The following EYS variants were observed in gnomAD, a reference collection of about 807,000 sequenced individuals.
EYS encodes the protein EGF-like photoreceptor maintenance factor, also known as protein eyes shut homolog.
EYS carries 250 observed loss-of-function variants against 282.1 expected under a neutral mutation model. That is an observed-to-expected ratio of 0.89 (90% CI 0.80 to 0.98). The LOEUF is 0.98. EYS is among the 50% of genes least tolerant of loss of function. The pLI, the probability that EYS is intolerant of heterozygous loss-of-function variation, is 0.00. For synonymous variants in EYS, 1,355 were observed against 1,282.9 expected (o/e 1.06, Z -1.20); for missense variants, 4,016 against 3,709.0 (o/e 1.08, Z -2.15).
intron 26 of EYS, among the ~76,000 whole-genome samples, chr6:64,514,464 G>A (rs1307836418): frequency 6.6e-6 from 1 of 151,816 alleles, no homozygotes; most frequent in Non-Finnish European, 1.5e-5. Flanking sequence ...ATGGCCTTGT[G>A]ACCTAAGCAT....
intron 22 of EYS, among the ~76,000 whole-genome samples, chr6:64,700,873 A>T (rs1770762494): frequency 6.6e-6 from 1 of 152,066 alleles, no homozygotes; most frequent in African/African-American, 2.4e-5. Context: ...AAACAATTCT[A>T]AAATTCATAT....
intron 12 of EYS, among the ~76,000 whole-genome samples, chr6:65,190,837 T>C (rs1191322907): frequency 1.3e-5 from 2 of 151,840 alleles, no homozygotes; most frequent in Non-Finnish European, 2.9e-5. Context: ...AAATGACTAC[T>C]AATCAGGGCA....
chr6:64,553,359 CT>C (rs1237530458), intron 26 of EYS, among the ~76,000 whole-genome samples: 1 of 151,962 alleles, frequency 6.6e-6, no homozygotes, highest in African/African-American at 2.4e-5. Flanking sequence ...GATTATATCC[CT>C]TCTTTAAAGC....
In EYS at chr6:64,307,026, GTTAT is replaced by G. The variant is rs2150375968; in HGVS notation, c.6131_6134del (p.Asn2044ThrfsTer11). On this transcript the variant is annotated frameshift_variant, in exon 30 of 43. Coordinates refer to ENST00000503581, the MANE Select transcript of EYS (RefSeq NM_001142800.2). LOFTEE classifies it high-confidence loss of function. Reference sequence around the variant, plus strand: ...CCTTGGATGGAATGAAAGATCTCCAGTTATTTATTTCTATAACTTCTATGCAGCC... The same window carrying G: ...CCTTGGATGGAATGAAAGATCTCCAGTTATTTCTATAACTTCTATGCAGCC... The G allele has an allele frequency of 6.5e-7, 1 of 1,546,080 alleles. No homozygotes were observed. Among genetic ancestry groups the G allele is most frequent in the Admixed American group, 2.0e-5 (1 of 50,876 alleles).
intron 5 of EYS, among the ~76,000 whole-genome samples, chr6:65,433,290 A>T (rs1025468861): frequency 6.6e-6 from 1 of 152,182 alleles, no homozygotes; most frequent in African/African-American, 2.4e-5. Flanking sequence ...GATCAATTTT[A>T]TGACAATCAC....
intron 16 of EYS, among the ~76,000 whole-genome samples, chr6:64,903,092 G>GA (rs968390131): frequency 1.3e-5 from 2 of 151,762 alleles, no homozygotes; most frequent in Non-Finnish European, 1.5e-5. Context: ...ATTTGTGTCA[G>GA]AAAAAACCTG....
intron 2 of EYS, among the ~76,000 whole-genome samples, chr6:65,622,531 T>A (rs1478215611): frequency 6.6e-6 from 1 of 152,032 alleles, no homozygotes. Context: ...ATATTTTTTC[T>A]TATTTAAGAT....
At position 65,563,523 on chromosome 6, in the gene EYS, G is replaced by A. The variant is rs957942905; in HGVS notation, c.-332-67530C>T. Reference sequence around the variant, plus strand: ...ATTTTATAAAGCATAGTATCTCTTCGGAAATATATAACAAAATTAAGACTA... The same window carrying A: ...ATTTTATAAAGCATAGTATCTCTTCAGAAATATATAACAAAATTAAGACTA... On this transcript the variant is annotated intron_variant, in intron 2 of 42. Transcript: ENST00000503581. Among the ~76,000 whole-genome samples the A allele has an allele frequency of 1.7e-4, 25 of 151,490 alleles. 1 individual carries two copies. Among genetic ancestry groups the A allele is most frequent in the Middle Eastern group, 6.9e-3 (2 of 288 alleles).
Position 64,837,518 on chromosome 6 carries a change from T to A in EYS, c.2993-14696A>T, listed in dbSNP as rs565771567. 1.5e-3 allele frequency among the ~76,000 whole-genome samples: 226 copies of A among 150,082 alleles called. 1 individual carries two copies. Among genetic ancestry groups the A allele is most frequent in the Non-Finnish European group, 1.0e-4 (7 of 67,250 alleles). ...GAGAAAGAAATAAAAAACATCAAAA[T>A]GAAAAAAGAGTAAGTCAAATTGTCC... On this transcript the variant is annotated intron_variant, in intron 19 of 42. Coordinates refer to ENST00000503581, the MANE Select transcript of EYS (RefSeq NM_001142800.2).
intron 26 of EYS, among the ~76,000 whole-genome samples, chr6:64,574,806 G>T (rs535759870): frequency 6.6e-6 from 1 of 152,090 alleles, no homozygotes; most frequent in South Asian, 2.1e-4. Context: ...AGCCCCTGTT[G>T]GTTTTAAAAA....
intron 2 of EYS, among the ~76,000 whole-genome samples, chr6:65,627,531 A>G (rs1766751845): frequency 1.3e-5 from 2 of 152,020 alleles, no homozygotes; most frequent in Non-Finnish European, 2.9e-5. Context: ...GTGGAGGGAG[A>G]GGTGCGAGCA....
chr6:64,808,613 T>C (rs1353361994), intron 22 of EYS, among the ~76,000 whole-genome samples: 6 of 151,896 alleles, frequency 4.0e-5, no homozygotes, highest in African/African-American at 1.5e-4. Context: ...ATATCTAATC[T>C]GGGTTTCTTG....
chr6:64,392,427 C>A, intron 28 of EYS, among the ~76,000 whole-genome samples: 1 of 150,460 alleles, frequency 6.6e-6, no homozygotes, highest in Non-Finnish European at 1.5e-5. Flanking sequence ...AACAAACTAT[C>A]TCTCAGACCA....
At chr6:63,727,706 CAAAAAAAAAAAA>C (rs1169878020) in intron 41 of EYS, among the ~76,000 whole-genome samples, 8 of 9,526 alleles carry the variant, frequency 8.4e-4, no homozygotes, top group Non-Finnish European at 9.8e-4. Context: ...CACCATCTCT[CAAAAAAAAAAAA>C]AAAAAAAAAA....
At chr6:63,941,355 G>C (rs565999915) in intron 35 of EYS, among the ~76,000 whole-genome samples, 1 of 152,246 alleles carries the variant, frequency 6.6e-6, no homozygotes, top group Admixed American at 6.5e-5. Context: ...GTTGTTTCCT[G>C]ACTTTTTAAT....
At chr6:63,838,409 G>C (rs889912352) in intron 36 of EYS, among the ~76,000 whole-genome samples, 1 of 152,064 alleles carries the variant, frequency 6.6e-6, no homozygotes, top group Non-Finnish European at 1.5e-5. Context: ...AATTCCTCTA[G>C]GGTCCTTGAC....
intron 26 of EYS, among the ~76,000 whole-genome samples, chr6:64,561,823 G>A (rs545226154): frequency 6.7e-6 from 1 of 149,092 alleles, no homozygotes; most frequent in East Asian, 2.0e-4. Flanking sequence ...TATTAAATTG[G>A]CTATAGTACC....
chr6:64,648,880 G>A (rs143404593), intron 22 of EYS, among the ~76,000 whole-genome samples: 7 of 152,262 alleles, frequency 4.6e-5, no homozygotes, highest in African/African-American at 1.7e-4. Flanking sequence ...TATCTTAATT[G>A]TGATAATTTA....
chr6:64,128,971 ATAGAT>A (rs767651126), intron 31 of EYS, among the ~76,000 whole-genome samples: 9 of 152,170 alleles, frequency 5.9e-5, no homozygotes, highest in Non-Finnish European at 4.4e-5. Flanking sequence ...CAGTGAAGAA[ATAGAT>A]TAGAGTGGTG....
Sources: allele counts gnomAD v4.1 joint callset (sites outside exome capture counted in the v4.1 genomes callset), GRCh38; gene constraint gnomAD v4.1.1; transcripts MANE v1.5; gene names NCBI Gene and HGNC (gene_info 2026-07-23, HGNC 2026-07-21).